KDM4B: variants seen among roughly 807,000 people sequenced by gnomAD.
KDM4B encodes the protein lysine demethylase 4B, also known as lysine-specific demethylase 4B.
A neutral mutation model predicts 125.2 loss-of-function variants in KDM4B; 32 were observed. That is an observed-to-expected ratio of 0.26 (90% confidence interval 0.19 to 0.34). The LOEUF (loss-of-function observed/expected upper bound fraction) is 0.34, where lower values mean the gene tolerates loss of function less well. Among genes scored for constraint, KDM4B ranks in the 10% least tolerant of loss-of-function variants. KDM4B has a pLI of 1.00. For missense variants in KDM4B, 1,190 were observed against 1,577.7 expected, an observed-to-expected ratio of 0.75 and a Z score of 4.16; for synonymous variants, 721 against 677.9, an observed-to-expected ratio of 1.06 and a Z score of -0.99.
chr19:4,985,400 G>A (rs1359351432), intron 1 of KDM4B, among the ~76,000 whole-genome samples: 4 of 152,186 alleles, frequency 2.6e-5, no homozygotes, highest in Non-Finnish European at 2.9e-5. Flanking sequence ...GTGAGCTTCC[G>A]AGGTCTCTGC....
chr19:5,001,681 G>A (rs1356835332), intron 1 of KDM4B, among the ~76,000 whole-genome samples: 5 of 150,436 alleles, frequency 3.3e-5, no homozygotes, highest in Non-Finnish European at 4.4e-5. Flanking sequence ...GTCCTGTTCC[G>A]CCAGCTGTGT....
chr19:5,110,536 G>A (rs2039119837), intron 9 of KDM4B, 86 bp from the exon 10 acceptor site: 20 of 1,379,264 alleles, frequency 1.5e-5, no homozygotes, highest in Non-Finnish European at 1.9e-5. Context: ...GGCCCGGGCC[G>A]TGAGCCCTAC....
At chr19:5,143,372 A>T (rs1043971922) in intron 18 of KDM4B, among the ~76,000 whole-genome samples, 2 of 151,912 alleles carry the variant, frequency 1.3e-5, no homozygotes, top group Non-Finnish European at 2.9e-5. Flanking sequence ...GTGCCACTCT[A>T]TGTTTTTTAG....
intron 1 of KDM4B, among the ~76,000 whole-genome samples, chr19:4,973,578 G>A (rs1053596035): frequency 6.6e-6 from 1 of 152,114 alleles, no homozygotes; most frequent in Non-Finnish European, 1.5e-5. Flanking sequence ...AAATACTGAG[G>A]GGGGAGTGGA....
rs2038294262 is a variant in KDM4B at position 5,081,543 on chromosome 19, C to T, written c.781-824C>T. 6.6e-6 allele frequency among the ~76,000 whole-genome samples: 1 copy of T among 152,136 alleles called. No individual in the cohort carries two copies. The highest frequency in any genetic ancestry group is 1.5e-5 in the Non-Finnish European group (1 of 68,020). ...GTCATTGTGGGCCCCACCCCAGCCA[C>T]GCACGCCTCGGCTCCTCAGTTTAGG... On this transcript the variant is annotated intron_variant, in intron 8 of 22. Coordinates refer to ENST00000159111, the MANE Select transcript of KDM4B (RefSeq NM_015015.3). The surrounding 1 kb of genome is among the most constrained non-coding windows in gnomAD (Gnocchi z 4.2).
intron 9 of KDM4B, among the ~76,000 whole-genome samples, chr19:5,100,302 T>G (rs2038905852): frequency 6.6e-6 from 1 of 152,240 alleles, no homozygotes; most frequent in African/African-American, 2.4e-5. Context: ...TCTCCTGTCT[T>G]TCTTGTTTCT....
intron 20 of KDM4B, among the ~76,000 whole-genome samples, 159 bp downstream of exon 20, chr19:5,144,571 C>T (rs2146103974): frequency 6.6e-6 from 1 of 152,294 alleles, no homozygotes; most frequent in South Asian, 2.1e-4. Flanking sequence ...CTCAGGGCCC[C>T]AGGCCCCTTC....
At chr19:5,073,559 G>C (rs1395686503) in intron 7 of KDM4B, among the ~76,000 whole-genome samples, 1 of 152,238 alleles carries the variant, frequency 6.6e-6, no homozygotes, top group Non-Finnish European at 1.5e-5. Context: ...TTCTCACCCA[G>C]TGTGACTTTT....
intron 1 of KDM4B, among the ~76,000 whole-genome samples, chr19:5,000,624 TTTTG>T (rs533985744): frequency 4.9e-4 from 74 of 152,302 alleles, no homozygotes; most frequent in Non-Finnish European, 9.0e-4. Flanking sequence ...AATATTTCTT[TTTTG>T]TTTGTCTCAA....
chr19:5,065,759 C>T (rs1442673693), intron 6 of KDM4B, among the ~76,000 whole-genome samples: 2 of 152,234 alleles, frequency 1.3e-5, no homozygotes, highest in South Asian at 2.1e-4. Context: ...ATGAGCTGCC[C>T]GCCATCCATC....
At chr19:5,058,076 C>T (rs939290400) in intron 6 of KDM4B, among the ~76,000 whole-genome samples, 2 of 152,236 alleles carry the variant, frequency 1.3e-5, no homozygotes, top group African/African-American at 2.4e-5. Context: ...CACGTGGCCA[C>T]ACCTTGCATC....
rs372512861 is a variant in KDM4B at position 5,090,066 on chromosome 19, CT to C, written c.918+7564del. On this transcript the variant is annotated intron_variant, in intron 9 of 22. Transcript: ENST00000159111. ...GTGAAGACCCCCAAAGCCTGGCCCC[CT>C]TCCTCCCTGCTGAGCAGGTGAGGCA... 9.8e-4 allele frequency among the ~76,000 whole-genome samples: 150 copies of C among 152,298 alleles called. 1 individual carries two copies. Among genetic ancestry groups the C allele is most frequent in the African/African-American group, 3.5e-3 (145 of 41,554 alleles).
intron 21 of KDM4B, 86 bp downstream of exon 21, chr19:5,144,988 A>G (rs920563228): frequency 1.9e-6 from 3 of 1,569,752 alleles, no homozygotes; most frequent in African/African-American, 2.7e-5. Context: ...CCCCTGGCCC[A>G]GGTGCCTTTG....
At chr19:5,071,504 G>A (rs1431032921) in intron 7 of KDM4B, among the ~76,000 whole-genome samples, 3 of 152,246 alleles carry the variant, frequency 2.0e-5, no homozygotes, top group Admixed American at 6.5e-5. Context: ...GTGGCCGCAC[G>A]GCGTTTGCCC....
chr19:4,980,150 G>A (rs187134973), intron 1 of KDM4B, among the ~76,000 whole-genome samples: 10 of 152,024 alleles, frequency 6.6e-5, no homozygotes, highest in African/African-American at 2.2e-4. Context: ...CATTGACACA[G>A]TTGTGCAACC....
intron 2 of KDM4B, among the ~76,000 whole-genome samples, chr19:5,024,444 G>C (rs1474767934): frequency 6.6e-6 from 1 of 152,140 alleles, no homozygotes; most frequent in Non-Finnish European, 1.5e-5. Flanking sequence ...AGCAGCCCAG[G>C]CTGGAGCGTG....
chr19:5,057,421 G>A (rs183020034), intron 6 of KDM4B, among the ~76,000 whole-genome samples: 245 of 152,298 alleles, frequency 1.6e-3, no homozygotes, highest in Non-Finnish European at 3.0e-3. Flanking sequence ...GACTTTAGTC[G>A]ACTTTTTCCA....
At chr19:5,010,133 G>A (rs2035682683) in intron 1 of KDM4B, among the ~76,000 whole-genome samples, 1 of 152,150 alleles carries the variant, frequency 6.6e-6, no homozygotes, top group African/African-American at 2.4e-5. Context: ...AGTCTCATAG[G>A]CTCCTCCAGG....
Position 5,047,680 on chromosome 19 carries a change from G to A in KDM4B, c.626+11G>A, listed in dbSNP as rs2620818. On this transcript the variant is annotated intron_variant, in intron 6 of 22. Coordinates refer to ENST00000159111, the MANE Select transcript of KDM4B (RefSeq NM_015015.3). Reference sequence around the variant, plus strand: ...GGAGCCTAAGTCCTGGTGAGTGTCTGCACTGGCCCTGCCGCCGGCCGGACC... The same window carrying A: ...GGAGCCTAAGTCCTGGTGAGTGTCTACACTGGCCCTGCCGCCGGCCGGACC... 0.36 allele frequency: 581,663 copies of A among 1,610,924 alleles called. 109,049 individuals carry two copies. Among genetic ancestry groups the A allele is most frequent in the Non-Finnish European group, 0.39 (457,271 of 1,177,710 alleles).
Sources: allele counts gnomAD v4.1 joint callset (sites outside exome capture counted in the v4.1 genomes callset), GRCh38; gene constraint gnomAD v4.1.1; non-coding constraint Gnocchi (gnomAD v3.1); transcripts MANE v1.5; gene names NCBI Gene and HGNC (gene_info 2026-07-23, HGNC 2026-07-21).